The following WDR7 variants were observed in gnomAD, a reference collection of about 807,000 sequenced individuals.
WDR7 encodes the protein WD repeat domain 7.
Under a neutral mutation model 169.4 loss-of-function variants are expected in WDR7, and 46 were observed. The ratio of observed to expected loss-of-function variants is 0.27; its 90% CI spans 0.21 to 0.35. WDR7 has a LOEUF of 0.35. WDR7 is among the 10% of genes least tolerant of loss of function. The pLI, the probability that WDR7 is intolerant of heterozygous loss-of-function variation, is 1.00. For missense variants in WDR7, 1,534 were observed against 1,859.3 expected, an observed-to-expected ratio of 0.83 and a Z score of 3.22; for synonymous variants, 612 against 666.8, an observed-to-expected ratio of 0.92 and a Z score of 1.27.
At position 56,718,238 on chromosome 18, in the gene WDR7, A is replaced by G. The variant is rs147559240; in HGVS notation, c.1774+79A>G. 992 of 1,357,618 alleles carry G rather than the reference A, an allele frequency of 7.3e-4. 24 individuals carry two copies. The East Asian group carries it at 0.025, about 34-fold the overall frequency. 84.1% of individuals were successfully genotyped at this position (1,357,618 alleles called of 1,614,324 possible). A position where few individuals can be genotyped will look rare whatever the true frequency, so the allele number is the denominator to read the frequency against. On this transcript the variant is annotated intron_variant, in intron 13 of 27. Coordinates refer to ENST00000254442, the MANE Select transcript of WDR7 (RefSeq NM_015285.3). ...TTCTAGAAATGAAAATGTCTTTTATATGAAGAAAAAAGGCTTGAAATGTAA... is the reference window on the plus strand; with the variant it reads ...TTCTAGAAATGAAAATGTCTTTTATGTGAAGAAAAAAGGCTTGAAATGTAA...
chr18:56,900,080 G>GTATATATATATATATATATATATATATA (rs772841290), intron 21 of WDR7, among the ~76,000 whole-genome samples: 1 of 30,208 alleles, frequency 3.3e-5, no homozygotes, highest in African/African-American at 6.1e-5. Flanking sequence ...GTGTGTGTGT[G>GTATATATATATATATATATATATATATA]TGTATATATA....
chr18:56,844,262 T>A (rs1209931243), intron 20 of WDR7, among the ~76,000 whole-genome samples: 1 of 152,122 alleles, frequency 6.6e-6, no homozygotes, highest in Non-Finnish European at 1.5e-5. Flanking sequence ...TAATGATTAG[T>A]GATGCTGAGG....
chr18:56,731,981 T>C (rs969545266), intron 14 of WDR7, among the ~76,000 whole-genome samples: 1 of 152,214 alleles, frequency 6.6e-6, no homozygotes, highest in Non-Finnish European at 1.5e-5. Flanking sequence ...GTAATTGTGA[T>C]GTATCATTTG....
chr18:57,013,607 G>T (rs11662093), intron 26 of WDR7, among the ~76,000 whole-genome samples: 2 of 152,074 alleles, frequency 1.3e-5, no homozygotes, highest in African/African-American at 4.8e-5. Context: ...AATAGAAGAG[G>T]GTTAACGAGC....
chr18:56,832,562 G>C (rs190482735), intron 20 of WDR7, among the ~76,000 whole-genome samples: 75 of 152,282 alleles, frequency 4.9e-4, no homozygotes, highest in South Asian at 1.5e-3. Flanking sequence ...CTCCCAGCAG[G>C]GGTCAACAGA....
intron 1 of WDR7, among the ~76,000 whole-genome samples, chr18:56,656,827 T>C (rs1388074521): frequency 6.6e-6 from 1 of 152,188 alleles, no homozygotes; most frequent in African/African-American, 2.4e-5. Flanking sequence ...TTGAGGAAAA[T>C]TGATATCTTT....
At chr18:56,731,275 G>T in intron 13 of WDR7, 108 bp from the exon 14 acceptor site, 1 of 1,318,084 alleles carries the variant, frequency 7.6e-7, no homozygotes, top group South Asian at 1.5e-5. Context: ...AGGAGGCATT[G>T]ATAAAACATG....
intron 18 of WDR7, among the ~76,000 whole-genome samples, chr18:56,780,276 T>G (rs548341680): frequency 6.9e-6 from 1 of 144,638 alleles, no homozygotes; most frequent in South Asian, 2.1e-4. Flanking sequence ...ATTTTCCTTA[T>G]TATGGCATTC....
At chr18:56,720,048 T>G (rs776975849) in intron 13 of WDR7, among the ~76,000 whole-genome samples, 1 of 152,214 alleles carries the variant, frequency 6.6e-6, no homozygotes, top group Non-Finnish European at 1.5e-5. Context: ...TTGTTGAACT[T>G]GGGAATATGA....
At chr18:57,030,804 A>G (rs2048437225), downstream of WDR7, 1 of 152,176 alleles carries the variant, frequency 6.6e-6, no homozygotes. Flanking sequence ...GATCGTCAAT[A>G]CATACAAATA....
chr18:57,004,615 A>G lies in WDR7; in HGVS notation c.4165-16130A>G, dbSNP rs560135396. 2.6e-5 allele frequency among the ~76,000 whole-genome samples: 4 copies of G among 152,280 alleles called. No individual in the cohort carries two copies. In the East Asian group the frequency reaches 7.7e-4, roughly 29 times the overall value. On this transcript the variant is annotated intron_variant, in intron 26 of 27. Coordinates refer to ENST00000254442, the MANE Select transcript of WDR7 (RefSeq NM_015285.3). ...ACACTGCAACCTACTAAACGTAAAA[A>G]TGTCACTAGCAGGTCATTTTAAAAA...
chr18:57,000,227 A>G (rs1599234326), intron 26 of WDR7, among the ~76,000 whole-genome samples: 1 of 152,334 alleles, frequency 6.6e-6, no homozygotes, highest in African/African-American at 2.4e-5. Context: ...ATTAACTAAA[A>G]TCACATTTAT....
At chr18:56,808,223 C>A (rs1320370306) in intron 19 of WDR7, among the ~76,000 whole-genome samples, 1 of 152,110 alleles carries the variant, frequency 6.6e-6, no homozygotes, top group Non-Finnish European at 1.5e-5. Flanking sequence ...TAAATTCAGG[C>A]CTTCTGCCTG....
intron 22 of WDR7, among the ~76,000 whole-genome samples, chr18:56,927,648 C>G (rs933433433): frequency 6.6e-6 from 1 of 151,946 alleles, no homozygotes; most frequent in Admixed American, 6.6e-5. Context: ...AATTGGTTAC[C>G]CCTTTATTTT....
intron 19 of WDR7, among the ~76,000 whole-genome samples, chr18:56,795,856 T>C (rs1307564068): frequency 6.6e-6 from 1 of 152,250 alleles, no homozygotes; most frequent in African/African-American, 2.4e-5. Flanking sequence ...AAATAGTTTC[T>C]CTCTGTGGGA....
chr18:56,940,075 A>T (rs2047013771), intron 25 of WDR7, among the ~76,000 whole-genome samples: 1 of 152,150 alleles, frequency 6.6e-6, no homozygotes, highest in South Asian at 2.1e-4. Flanking sequence ...ATTGAGGTAC[A>T]TCTTGTTAAA....
In WDR7 at chr18:56,916,055, C is replaced by T. The variant is rs368035980; in HGVS notation, c.3527-7867C>T. 9.9e-5 allele frequency among the ~76,000 whole-genome samples: 15 copies of T among 152,248 alleles called. No individual in the cohort carries two copies. The South Asian group carries it at 1.7e-3, about 17-fold the overall frequency. ...GATGGCTGGTTCTAGAAACTTCCTGCGGGTAACTGCAGATTCCTATGAGGT... is the reference window on the plus strand; with the variant it reads ...GATGGCTGGTTCTAGAAACTTCCTGTGGGTAACTGCAGATTCCTATGAGGT... On this transcript the variant is annotated intron_variant, in intron 21 of 27. Coordinates refer to ENST00000254442, the MANE Select transcript of WDR7 (RefSeq NM_015285.3).
intron 16 of WDR7, among the ~76,000 whole-genome samples, chr18:56,776,246 A>T (rs2044241559): frequency 6.6e-6 from 1 of 152,036 alleles, no homozygotes; most frequent in African/African-American, 2.4e-5. Flanking sequence ...TAAACATGGT[A>T]TATATATTCT....
intron 12 of WDR7, among the ~76,000 whole-genome samples, chr18:56,706,864 T>A (rs758262295): frequency 6.6e-6 from 1 of 151,052 alleles, no homozygotes; most frequent in Non-Finnish European, 1.5e-5. Flanking sequence ...ATTTTTGTAT[T>A]TTTAGTAGAG....
Sources: allele counts gnomAD v4.1 joint callset (sites outside exome capture counted in the v4.1 genomes callset), GRCh38; gene constraint gnomAD v4.1.1; transcripts MANE v1.5; gene names NCBI Gene and HGNC (gene_info 2026-07-23, HGNC 2026-07-21).